The following LRP6 variants were observed in gnomAD, a reference collection of about 807,000 sequenced individuals.
LRP6 encodes LDL receptor related protein 6.
Under a neutral mutation model 184.1 loss-of-function variants are expected in LRP6, and 43 were observed. That is an observed-to-expected ratio of 0.23 (90% CI 0.18 to 0.30). The LOEUF is 0.30. LRP6 is among the 10% of genes least tolerant of loss of function. The pLI, the probability that LRP6 is intolerant of heterozygous loss-of-function variation, is 1.00. For synonymous variants in LRP6, 719 were observed against 684.9 expected, an observed-to-expected ratio of 1.05 and a Z score of -0.78; for missense variants, 1,571 against 2,005.3, an observed-to-expected ratio of 0.78 and a Z score of 4.14.
chr12:12,195,155 A>G (rs1863718509), intron 3 of LRP6, among the ~76,000 whole-genome samples: 1 of 152,120 alleles, frequency 6.6e-6, no homozygotes, highest in Non-Finnish European at 1.5e-5. Flanking sequence ...ATAGTGCTGC[A>G]ACAAACATAG....
chr12:12,150,480 T>C (rs922311029), intron 13 of LRP6, among the ~76,000 whole-genome samples: 4 of 152,166 alleles, frequency 2.6e-5, no homozygotes, highest in African/African-American at 9.6e-5. Context: ...CTAAGAATCC[T>C]AAGTGAGGGA....
chr12:12,261,192 G>A lies in LRP6; in HGVS notation c.55+5489C>T, dbSNP rs557938883. ...TCCCAACAGTTTGGGAGGCCGAGGC[G>A]GGCGGATCACGAGATCAGGAGATCG... is the stretch of plus-strand genomic sequence containing the variant. On this transcript the variant is annotated intron_variant, in intron 1 of 22. Coordinates refer to ENST00000261349, the MANE Select transcript of LRP6 (RefSeq NM_002336.3). 2.0e-5 allele frequency among the ~76,000 whole-genome samples: 3 copies of A among 152,168 alleles called. No individual in the cohort carries two copies. In the East Asian group the frequency reaches 5.8e-4, roughly 29 times the overall value.
chr12:12,160,910 T>C (rs920381878), intron 10 of LRP6, among the ~76,000 whole-genome samples: 2 of 152,250 alleles, frequency 1.3e-5, no homozygotes, highest in Non-Finnish European at 2.9e-5. Flanking sequence ...AGGACATATA[T>C]TCACTCATCA....
intron 22 of LRP6, among the ~76,000 whole-genome samples, chr12:12,123,869 T>TCAA (rs1281198572): frequency 2.0e-5 from 3 of 152,242 alleles, no homozygotes; most frequent in Non-Finnish European, 4.4e-5. Context: ...TACATTTCTC[T>TCAA]CAACTTTTCT....
intron 3 of LRP6, among the ~76,000 whole-genome samples, chr12:12,193,276 T>A (rs1863664289): frequency 6.6e-6 from 1 of 151,488 alleles, no homozygotes; most frequent in Non-Finnish European, 1.5e-5. Context: ...GAAGAGAGAT[T>A]ACAAATCAAT....
chr12:12,182,062 A>G (rs1863358034), intron 5 of LRP6, among the ~76,000 whole-genome samples: 1 of 152,196 alleles, frequency 6.6e-6, no homozygotes, highest in African/African-American at 2.4e-5. Context: ...AACAGCTGCA[A>G]TGGAGGGAAG....
intron 7 of LRP6, among the ~76,000 whole-genome samples, chr12:12,176,759 C>T (rs1343413294): frequency 2.0e-5 from 3 of 151,918 alleles, no homozygotes; most frequent in Non-Finnish European, 2.9e-5. Flanking sequence ...CTATGTCTTA[C>T]CTTGCTATAT....
At chr12:12,245,762 TA>T (rs1436924086) in intron 1 of LRP6, among the ~76,000 whole-genome samples, 1 of 152,128 alleles carries the variant, frequency 6.6e-6, no homozygotes, top group Non-Finnish European at 1.5e-5. Context: ...TGAGGTAGTA[TA>T]AATTCCATGT....
chr12:12,266,323 A>G (rs2135955052), intron 1 of LRP6, among the ~76,000 whole-genome samples: 1 of 152,312 alleles, frequency 6.6e-6, no homozygotes, highest in Non-Finnish European at 1.5e-5. Context: ...ACATTTTAAA[A>G]GCCAAAATAC....
intron 2 of LRP6, among the ~76,000 whole-genome samples, chr12:12,218,615 C>T (rs1490083528): frequency 6.6e-6 from 1 of 151,846 alleles, no homozygotes; most frequent in African/African-American, 2.4e-5. Context: ...AAATGTAAAT[C>T]AAAACCTCAA....
intron 2 of LRP6, among the ~76,000 whole-genome samples, chr12:12,222,128 TTAAATTTTACTAAGCAG>T (rs1249662779): frequency 2.0e-5 from 3 of 152,222 alleles, no homozygotes; most frequent in East Asian, 1.9e-4. Flanking sequence ...CAAGTACTGC[TTAAATTTTACTAAGCAG>T]TAAATTTTAC....
At chr12:12,141,196 T>A (rs1368896106) in intron 15 of LRP6, among the ~76,000 whole-genome samples, 1 of 144,254 alleles carries the variant, frequency 6.9e-6, no homozygotes, top group African/African-American at 2.6e-5. Flanking sequence ...AGGAAAGGGC[T>A]GGGGGAGGGA....
chr12:12,228,664 G>A (rs914739767), intron 2 of LRP6, among the ~76,000 whole-genome samples: 5 of 152,318 alleles, frequency 3.3e-5, no homozygotes, highest in East Asian at 3.9e-4. Flanking sequence ...TCAGGAGTGC[G>A]AACCTTATTG....
intron 3 of LRP6, among the ~76,000 whole-genome samples, chr12:12,195,733 T>C (rs1863737485): frequency 6.6e-6 from 1 of 152,014 alleles, no homozygotes; most frequent in African/African-American, 2.4e-5. Context: ...GTTGCCTGCA[T>C]TTTTGAGATC....
At position 12,162,155 on chromosome 12, in the gene LRP6, A is replaced by G. The variant is rs747505285; in HGVS notation, c.2279+38T>C. ...CTATGCCATGTTCCCCGAAATGTAC[A>G]CTGCAGTTGCAAAGAATGCACATGT... On this transcript the variant is annotated intron_variant, in intron 10 of 22. Transcript: ENST00000261349. 34 of 1,480,282 alleles carry G rather than the reference A, an allele frequency of 2.3e-5. 1 individual carries two copies. In the South Asian group the frequency reaches 3.7e-4, roughly 16 times the overall value. The allele number at this position is 1,480,282 out of a possible 1,614,324, so 91.7% of individuals were successfully genotyped here.
At chr12:12,189,726 C>T (rs1182509803) in intron 3 of LRP6, among the ~76,000 whole-genome samples, 1 of 152,156 alleles carries the variant, frequency 6.6e-6, no homozygotes, top group African/African-American at 2.4e-5. Flanking sequence ...GTCTCAAACT[C>T]CTGACCTCAG....
chr12:12,197,912 T>G (rs936924278), intron 3 of LRP6, among the ~76,000 whole-genome samples: 1 of 152,104 alleles, frequency 6.6e-6, no homozygotes, highest in Non-Finnish European at 1.5e-5. Context: ...GGTGTGGTGG[T>G]GTGCACCTGT....
intron 2 of LRP6, among the ~76,000 whole-genome samples, chr12:12,233,615 A>G (rs4265667): frequency 0.81 from 122,917 of 152,148 alleles, 49,772 homozygotes; most frequent in East Asian, 0.83. Flanking sequence ...AAAACCACAT[A>G]CAACTTGTAA....
intron 12 of LRP6, among the ~76,000 whole-genome samples, chr12:12,157,305 T>C (rs183140801): frequency 2.0e-5 from 3 of 152,036 alleles, no homozygotes; most frequent in Non-Finnish European, 4.4e-5. Context: ...ACATCTCGAA[T>C]CCATCAACCT....
Sources: allele counts gnomAD v4.1 joint callset (sites outside exome capture counted in the v4.1 genomes callset), GRCh38; gene constraint gnomAD v4.1.1; transcripts MANE v1.5; gene names NCBI Gene and HGNC (gene_info 2026-07-23, HGNC 2026-07-21).